The following GPC6 variants were observed in gnomAD, a reference collection of about 807,000 sequenced individuals.
GPC6 encodes glypican 6.
Under a neutral mutation model 55.2 loss-of-function variants are expected in GPC6, and 14 were observed. The ratio of observed to expected loss-of-function variants is 0.25; its 90% CI spans 0.17 to 0.40. The LOEUF (loss-of-function observed/expected upper bound fraction) is 0.40, where lower values mean the gene tolerates loss of function less well. Ranked by LOEUF, GPC6 falls within the 10% of genes least tolerant of loss-of-function variation. The pLI, the probability that GPC6 is intolerant of heterozygous loss-of-function variation, is 1.00. For missense variants in GPC6, 641 were observed against 708.5 expected (o/e 0.90, Z 1.08); for synonymous variants, 278 against 259.6 (o/e 1.07, Z -0.68).
chr13:93,792,836 C>G (rs1253473187), intron 2 of GPC6, among the ~76,000 whole-genome samples: 1 of 152,152 alleles, frequency 6.6e-6, no homozygotes, highest in Non-Finnish European at 1.5e-5. Context: ...CTTCTCAGGA[C>G]AGGCTGAACT....
At chr13:93,704,820 T>C (rs1766530231) in intron 2 of GPC6, among the ~76,000 whole-genome samples, 1 of 151,958 alleles carries the variant, frequency 6.6e-6, no homozygotes, top group Non-Finnish European at 1.5e-5. Context: ...TCTATTCTTA[T>C]AAGCATATGG....
intron 2 of GPC6, among the ~76,000 whole-genome samples, chr13:93,642,726 C>T (rs1254028052): frequency 6.6e-6 from 1 of 151,970 alleles, no homozygotes; most frequent in Non-Finnish European, 1.5e-5. Flanking sequence ...TCATTGCTGA[C>T]AATTTGTAGT....
In GPC6 at chr13:93,676,907, C is replaced by G. The variant is rs574163436; in HGVS notation, c.319+131486C>G. Among the ~76,000 whole-genome samples, 11 of 151,352 alleles carry G rather than the reference C, an allele frequency of 7.3e-5. 1 individual carries two copies. In the South Asian group the frequency reaches 8.5e-4, roughly 12 times the overall value. ...TCTCGGTGAATTGCTAGAGATGAAG[C>G]GAGGTACTGTAGATAAGTCAGGATA... On this transcript the variant is annotated intron_variant, in intron 2 of 8. Transcript: ENST00000377047.
At chr13:94,073,302 C>T in intron 4 of GPC6, among the ~76,000 whole-genome samples, 1 of 152,214 alleles carries the variant, frequency 6.6e-6, no homozygotes, top group East Asian at 1.9e-4. Flanking sequence ...AATGTGCAAG[C>T]TTCTTTACAT....
chr13:93,923,831 C>A (rs1033284172), intron 3 of GPC6, among the ~76,000 whole-genome samples: 2 of 152,202 alleles, frequency 1.3e-5, no homozygotes, highest in African/African-American at 4.8e-5. Context: ...TTAAACTCAG[C>A]TCCCTTATTT....
intron 3 of GPC6, among the ~76,000 whole-genome samples, chr13:93,863,074 A>T (rs977670871): frequency 9.2e-5 from 14 of 151,680 alleles, no homozygotes; most frequent in African/African-American, 3.4e-4. Context: ...AATCAAGGTG[A>T]TATGATATGT....
chr13:94,244,220 T>C (rs17791816), intron 4 of GPC6, among the ~76,000 whole-genome samples: 2,762 of 152,234 alleles, frequency 0.018, 47 homozygotes, highest in Non-Finnish European at 0.029. Flanking sequence ...AGTCAGAGTA[T>C]CTAAAAACCG....
intron 1 of GPC6, among the ~76,000 whole-genome samples, chr13:93,529,105 T>C (rs1037829481): frequency 1.1e-4 from 16 of 152,132 alleles, no homozygotes; most frequent in Non-Finnish European, 2.2e-4. Context: ...ATATATTGCA[T>C]CCCAGTGCAT....
At chr13:94,259,225 GT>G (rs1370479936) in intron 4 of GPC6, among the ~76,000 whole-genome samples, 1 of 152,200 alleles carries the variant, frequency 6.6e-6, no homozygotes, top group African/African-American at 2.4e-5. Context: ...TACTTTATGT[GT>G]CATTGGCCAG....
At chr13:94,258,335 T>C (rs1046767408) in intron 4 of GPC6, among the ~76,000 whole-genome samples, 1 of 152,250 alleles carries the variant, frequency 6.6e-6, no homozygotes, top group African/African-American at 2.4e-5. Flanking sequence ...TTATTAAACA[T>C]GTGCTCTTTG....
chr13:94,068,913 G>C (rs1232360404), intron 4 of GPC6, among the ~76,000 whole-genome samples: 1 of 152,144 alleles, frequency 6.6e-6, no homozygotes, highest in South Asian at 2.1e-4. Context: ...GCTTTTCCAG[G>C]TGCACAGTGC....
chr13:93,603,898 A>G (rs752572522), intron 2 of GPC6, among the ~76,000 whole-genome samples: 34 of 152,252 alleles, frequency 2.2e-4, no homozygotes, highest in Non-Finnish European at 4.1e-4. Context: ...TGATTAGAAC[A>G]TACTTAAACC....
At chr13:93,872,714 A>C (rs1294124104) in intron 3 of GPC6, among the ~76,000 whole-genome samples, 1 of 151,738 alleles carries the variant, frequency 6.6e-6, no homozygotes, top group Non-Finnish European at 1.5e-5. Context: ...AGGATCCTTA[A>C]TTTTTTCACC....
chr13:94,342,015 C>G (rs1432317605), intron 6 of GPC6, among the ~76,000 whole-genome samples: 1 of 152,234 alleles, frequency 6.6e-6, no homozygotes, highest in Non-Finnish European at 1.5e-5. Context: ...GTTCCCATAT[C>G]ACTGCATTGG....
chr13:94,360,635 T>A (rs572405270), intron 6 of GPC6, among the ~76,000 whole-genome samples: 32 of 152,310 alleles, frequency 2.1e-4, no homozygotes, highest in African/African-American at 7.5e-4. Flanking sequence ...CACAATGATG[T>A]TGGAGAAGGT....
intron 4 of GPC6, among the ~76,000 whole-genome samples, chr13:94,129,348 G>C (rs1439890909): frequency 2.6e-5 from 4 of 151,888 alleles, no homozygotes; most frequent in Non-Finnish European, 4.4e-5. Flanking sequence ...CATTTCCCAG[G>C]GTCCCTTGTT....
chr13:93,299,413 A>T (rs1878600296), intron 1 of GPC6, among the ~76,000 whole-genome samples: 1 of 152,218 alleles, frequency 6.6e-6, no homozygotes, highest in Non-Finnish European at 1.5e-5. Context: ...AAACATGAAA[A>T]TGTGGAAGGA....
intron 4 of GPC6, among the ~76,000 whole-genome samples, chr13:94,129,214 C>T (rs999727058): frequency 2.0e-5 from 3 of 152,090 alleles, no homozygotes; most frequent in African/African-American, 7.2e-5. Context: ...TCAGGGTTAT[C>T]CTAAACCACC....
chr13:93,949,112 G>A lies in GPC6; in HGVS notation c.712-78617G>A, dbSNP rs117683874. Among the ~76,000 whole-genome samples, 186 of 152,052 alleles carry A rather than the reference G, an allele frequency of 1.2e-3. 3 individuals carry two copies. The East Asian group carries it at 0.025, about 21-fold the overall frequency. ...TTGGGAACCTTCTACATTTCCAGTG[G>A]CAAAGGCACTCTCCCTGGCTCAAAT... is the stretch of plus-strand genomic sequence containing the variant. On this transcript the variant is annotated intron_variant, in intron 3 of 8. Coordinates refer to ENST00000377047, the MANE Select transcript of GPC6 (RefSeq NM_005708.5).
Sources: gnomAD v4.1 joint callset for allele counts (sites outside exome capture counted in the v4.1 genomes callset) on GRCh38, gnomAD v4.1.1 for gene constraint, MANE v1.5 for transcripts, NCBI Gene and HGNC (gene_info 2026-07-23, HGNC 2026-07-21) for gene names.